Variants in APBB1IP observed in about 807,000 individuals in gnomAD.
APBB1IP encodes amyloid beta precursor protein binding family B member 1 interacting protein, also known as amyloid beta A4 precursor protein-binding family B member 1-interacting protein.
A neutral mutation model predicts 64.9 loss-of-function variants in APBB1IP; 27 were observed. That is an observed-to-expected ratio of 0.42 (90% CI 0.31 to 0.57). The LOEUF is 0.57. Among genes scored for constraint, APBB1IP ranks in the 20% least tolerant of loss-of-function variants. APBB1IP has a pLI of 0.20. For missense variants in APBB1IP, 812 were observed against 845.5 expected, an observed-to-expected ratio of 0.96 and a Z score of 0.49; for synonymous variants, 392 against 331.0, an observed-to-expected ratio of 1.18 and a Z score of -2.00.
At chr10:26,518,376 T>C (rs963269785) in intron 8 of APBB1IP, among the ~76,000 whole-genome samples, 4 of 151,270 alleles carry the variant, frequency 2.6e-5, no homozygotes, top group Non-Finnish European at 5.9e-5. Context: ...GCCTCCCGAG[T>C]AGCTGGGACT....
chr10:26,551,831 T>A (rs1398247537), intron 11 of APBB1IP, among the ~76,000 whole-genome samples: 6 of 152,242 alleles, frequency 3.9e-5, no homozygotes, highest in Admixed American at 1.3e-4. Flanking sequence ...ACTATTGTGT[T>A]CCAGAGCTTG....
rs1240573224 is a variant in APBB1IP, at chr10:26,501,232, C to CA, written c.453+124dup. ...TCCAAAGATCTGAGATACTAAAAAACAAAGATACAGAGCACGCTCATTGCA... is the reference window on the plus strand; with the variant it reads ...TCCAAAGATCTGAGATACTAAAAAACAAAAGATACAGAGCACGCTCATTGCA... On this transcript the variant is annotated intron_variant, in intron 5 of 14. Coordinates refer to ENST00000376236, the MANE Select transcript of APBB1IP (RefSeq NM_019043.4). The CA allele has an allele frequency of 9.1e-6, 13 of 1,434,004 alleles. No homozygotes were observed. The African/African-American group carries it at 1.7e-4, about 19-fold the overall frequency. The allele number at this position is 1,434,004 out of a possible 1,614,324, so 88.8% of individuals were successfully genotyped here.
chr10:26,506,365 G>A (rs942512240), intron 6 of APBB1IP, among the ~76,000 whole-genome samples: 2 of 151,278 alleles, frequency 1.3e-5, no homozygotes, highest in African/African-American at 4.9e-5. Flanking sequence ...CTCCCACCCA[G>A]CCTCCCAAGT....
rs1482104882 is a variant in APBB1IP, at chr10:26,567,018, G to A, written c.1531G>A (p.Ala511Thr). 27 of 1,565,238 alleles carry A rather than the reference G, an allele frequency of 1.7e-5. No individual in the cohort carries two copies. The highest frequency in any genetic ancestry group is 4.9e-5 in the East Asian group (2 of 41,078). ...CCCGGCAGTGCCCCGGGCCCCGCACGCCCCCAAGTCCAGCCTGCCCCCGCC... is the reference window on the plus strand; with the variant it reads ...CCCGGCAGTGCCCCGGGCCCCGCACACCCCCAAGTCCAGCCTGCCCCCGCC... ...HDPAVPRAPH[A>T]PKSSLPPPPP... The change falls in exon 15 of 15, where the codon GCC becomes ACC. Residue 511 changes from alanine to threonine, a missense_variant. Transcript: ENST00000376236.
At chr10:26,457,084 G>A (rs1835535664) in intron 2 of APBB1IP, among the ~76,000 whole-genome samples, 1 of 152,096 alleles carries the variant, frequency 6.6e-6, no homozygotes, top group African/African-American at 2.4e-5. Flanking sequence ...AGCAAGAGAG[G>A]GATACTATCT....
intron 2 of APBB1IP, among the ~76,000 whole-genome samples, chr10:26,457,612 C>T (rs529325593): frequency 6.6e-6 from 1 of 152,348 alleles, no homozygotes; most frequent in South Asian, 2.1e-4. Flanking sequence ...AAAACCTATA[C>T]TGGTAAGCCA....
intron 9 of APBB1IP, among the ~76,000 whole-genome samples, chr10:26,535,192 A>T (rs1032142880): frequency 6.6e-6 from 1 of 152,198 alleles, no homozygotes; most frequent in African/African-American, 2.4e-5. Flanking sequence ...AAAAATCTAC[A>T]ACTAGAAGAT....
intron 2 of APBB1IP, among the ~76,000 whole-genome samples, chr10:26,461,755 T>C (rs1835595976): frequency 6.6e-6 from 1 of 152,116 alleles, no homozygotes; most frequent in Non-Finnish European, 1.5e-5. Context: ...CTTTTATCCA[T>C]ATAGTTTTAT....
At chr10:26,525,987 TAG>T (rs1836469063) in intron 8 of APBB1IP, among the ~76,000 whole-genome samples, 1 of 152,180 alleles carries the variant, frequency 6.6e-6, no homozygotes, top group South Asian at 2.1e-4. Flanking sequence ...TGACTTACTT[TAG>T]AGAAAGGTCA....
At chr10:26,528,162 T>G (rs1836502298) in intron 8 of APBB1IP, among the ~76,000 whole-genome samples, 1 of 152,170 alleles carries the variant, frequency 6.6e-6, no homozygotes, top group Non-Finnish European at 1.5e-5. Flanking sequence ...GCAAGTCACA[T>G]GGCCAAACCC....
intron 2 of APBB1IP, among the ~76,000 whole-genome samples, chr10:26,482,208 T>C (rs926167720): frequency 2.6e-5 from 4 of 152,216 alleles, no homozygotes; most frequent in African/African-American, 9.7e-5. Context: ...CAGTGCAAAG[T>C]TGGTTAAGTT....
At chr10:26,455,939 GCA>G (rs910183791) in intron 2 of APBB1IP, among the ~76,000 whole-genome samples, 1 of 152,142 alleles carries the variant, frequency 6.6e-6, no homozygotes, top group African/African-American at 2.4e-5. Flanking sequence ...TGAAGTGTCA[GCA>G]CATATTACAT....
At chr10:26,526,171 T>C (rs1303751865) in intron 8 of APBB1IP, among the ~76,000 whole-genome samples, 2 of 152,142 alleles carry the variant, frequency 1.3e-5, no homozygotes, top group Non-Finnish European at 2.9e-5. Flanking sequence ...AGTATGAACA[T>C]GGAAAATCAT....
intron 8 of APBB1IP, among the ~76,000 whole-genome samples, chr10:26,521,894 G>A (rs1836406224): frequency 6.6e-6 from 1 of 152,098 alleles, no homozygotes; most frequent in Non-Finnish European, 1.5e-5. Flanking sequence ...GGGATTACAG[G>A]CATGCGCCAC....
At chr10:26,448,420 T>C (rs1835425611) in intron 2 of APBB1IP, among the ~76,000 whole-genome samples, 1 of 152,208 alleles carries the variant, frequency 6.6e-6, no homozygotes, top group Admixed American at 6.5e-5. Context: ...TTACTGCACA[T>C]CTCATTTCAG....
At chr10:26,550,934 G>A (rs774688533) in intron 11 of APBB1IP, among the ~76,000 whole-genome samples, 3 of 152,116 alleles carry the variant, frequency 2.0e-5, no homozygotes, top group Non-Finnish European at 4.4e-5. Flanking sequence ...AGCACTAGAG[G>A]GCCTCCTAAG....
intron 2 of APBB1IP, among the ~76,000 whole-genome samples, chr10:26,469,265 T>C (rs1219709937): frequency 2.8e-5 from 4 of 144,688 alleles, no homozygotes; most frequent in African/African-American, 7.7e-5. Flanking sequence ...TTTCTTTTTT[T>C]TTTTTTTTTT....
Position 26,513,676 on chromosome 10 carries a change from T to C in APBB1IP, c.813+16T>C, listed in dbSNP as rs1466994062. Reference sequence around the variant, plus strand: ...AAACCCCCAGGTAAGATGATCTGCATATTGTTAAACCCTATAAAGTACAAA... The same window carrying C: ...AAACCCCCAGGTAAGATGATCTGCACATTGTTAAACCCTATAAAGTACAAA... On this transcript the variant is annotated intron_variant, in intron 8 of 14. Transcript: ENST00000376236. 6.2e-7 allele frequency: 1 copy of C among 1,600,708 alleles called. No homozygotes were observed.
At chr10:26,440,473 G>T (rs1238905049) in intron 2 of APBB1IP, among the ~76,000 whole-genome samples, 1 of 152,156 alleles carries the variant, frequency 6.6e-6, no homozygotes, top group Non-Finnish European at 1.5e-5. Flanking sequence ...TTTCTGAGAA[G>T]TTCCTGTAAA....
Sources: gnomAD v4.1 joint callset for allele counts (sites outside exome capture counted in the v4.1 genomes callset) on GRCh38, gnomAD v4.1.1 for gene constraint, MANE v1.5 for transcripts, NCBI Gene and HGNC (gene_info 2026-07-23, HGNC 2026-07-21) for gene names.